The following EPS8 variants were observed in gnomAD, a reference collection of about 807,000 sequenced individuals.
EPS8 encodes the protein EGFR pathway substrate 8, signaling adaptor, also known as epidermal growth factor receptor kinase substrate 8.
Under a neutral mutation model 103.8 loss-of-function variants are expected in EPS8, and 42 were observed. The ratio of observed to expected loss-of-function variants is 0.40; its 90% confidence interval spans 0.32 to 0.52. The LOEUF (loss-of-function observed/expected upper bound fraction) is 0.52, where lower values mean the gene tolerates loss of function less well. Ranked by LOEUF, EPS8 falls within the 20% of genes least tolerant of loss-of-function variation. The probability of loss-of-function intolerance (pLI) is 0.40; values close to 1 mark genes in which losing one functional copy is unlikely to be tolerated. For missense variants in EPS8, 969 were observed against 1,005.1 expected (o/e 0.96, Z 0.49); for synonymous variants, 344 against 344.6 (o/e 1.00, Z 0.02).
Position 15,647,277 on chromosome 12 carries a change from G to A in EPS8, c.1435-17C>T. ...ACTGGAATGCTGAAAGACAAAGTGG[G>A]GCAGATTAAAGAATCACCAAATACT... is the stretch of plus-strand genomic sequence containing the variant. On this transcript the variant is annotated splice_polypyrimidine_tract_variant and intron_variant, in intron 14 of 20. Transcript: ENST00000281172. 1 of 1,604,990 alleles carries A rather than the reference G, an allele frequency of 6.2e-7. No homozygotes were observed. The highest frequency in any genetic ancestry group is 1.3e-5 in the African/African-American group (1 of 74,760).
At chr12:15,765,880 C>T (rs1947089470) in intron 1 of EPS8, among the ~76,000 whole-genome samples, 1 of 143,434 alleles carries the variant, frequency 7.0e-6, no homozygotes, top group Admixed American at 7.2e-5. Flanking sequence ...GTGGCGCAAT[C>T]TCGGCTCACT....
At chr12:15,679,827 T>C (rs77653456) in intron 3 of EPS8, among the ~76,000 whole-genome samples, 22,641 of 152,222 alleles carry the variant, frequency 0.15, 1,851 homozygotes, top group African/African-American at 0.2. Context: ...ATGAAGATCA[T>C]GGCATAGCAT....
At chr12:15,711,551 T>A (rs762556170) in intron 1 of EPS8, among the ~76,000 whole-genome samples, 15 of 152,192 alleles carry the variant, frequency 9.9e-5, no homozygotes, top group Admixed American at 2.0e-4. Context: ...ATATTTTACA[T>A]ACCATTCCAA....
At position 15,666,479 on chromosome 12, in the gene EPS8, C is replaced by T; in HGVS notation, c.560G>A (p.Ser187Asn). The change falls in exon 7 of 21, where the codon AGT (serine) becomes AAT (asparagine). Residue 187 changes from serine (S) to asparagine (N), a missense_variant. By Grantham distance (46) the Ser-to-Asn change is conservative (BLOSUM62 1). Transcript: ENST00000281172. ...SEDIESAISD[S>N]KGGKQKRRPD... ...CCGCCTCTTCTGTTTCCCTCCTTTA[C>T]TGTCACTGATTGCACTTTCAATATC... is the stretch of plus-strand genomic sequence containing the variant. The T allele has an allele frequency of 6.2e-7, 1 of 1,613,944 alleles. No individual in the cohort carries two copies. The highest frequency in any genetic ancestry group is 2.2e-5 in the East Asian group (1 of 44,860).
Position 15,621,010 on chromosome 12 carries a change from T to A in EPS8, c.*307A>T. ...GTTGCAGTGAATAACTCCACCACTATCAAAACAATTCCTGTTTATACCCTG... is the reference window on the plus strand; with the variant it reads ...GTTGCAGTGAATAACTCCACCACTAACAAAACAATTCCTGTTTATACCCTG... On this transcript the variant is annotated 3_prime_UTR_variant, in exon 21 of 21. Coordinates refer to ENST00000281172, the MANE Select transcript of EPS8 (RefSeq NM_004447.6). 1 of 240,886 alleles carries A rather than the reference T, an allele frequency of 4.2e-6. No homozygotes were observed. The highest frequency in any genetic ancestry group is 7.8e-6 in the Non-Finnish European group (1 of 127,420). 14.9% of individuals were successfully genotyped at this position (240,886 alleles called of 1,614,324 possible). A position where few individuals can be genotyped will look rare whatever the true frequency, so the allele number is the denominator to read the frequency against.
Position 15,749,549 on chromosome 12 carries a change from T to C in EPS8, c.-22+39612A>G, listed in dbSNP as rs1044601453. Among the ~76,000 whole-genome samples, 9 of 152,188 alleles carry C rather than the reference T, an allele frequency of 5.9e-5. No homozygotes were observed. Among genetic ancestry groups the C allele is most frequent in the African/African-American group, 2.2e-4 (9 of 41,426 alleles). ...CTCCTTACAAGAAAACACACGCCTTTTGTTTATCTTCTTCACTCTGGCTGC... is the reference window on the plus strand; with the variant it reads ...CTCCTTACAAGAAAACACACGCCTTCTGTTTATCTTCTTCACTCTGGCTGC... On this transcript the variant is annotated intron_variant, in intron 1 of 20. Coordinates refer to ENST00000281172, the MANE Select transcript of EPS8 (RefSeq NM_004447.6). The surrounding 1 kb of genome is among the most constrained non-coding windows in gnomAD (Gnocchi z 4.0).
chr12:15,730,492 T>A (rs1483869448), intron 1 of EPS8, among the ~76,000 whole-genome samples: 1 of 152,118 alleles, frequency 6.6e-6, no homozygotes, highest in Non-Finnish European at 1.5e-5. Context: ...TTGAAGACAA[T>A]TCTGAAAAAT....
Position 15,752,715 on chromosome 12 carries a change from T to C in EPS8, c.-22+36446A>G, listed in dbSNP as rs1490597738. Among the ~76,000 whole-genome samples, 1 of 152,064 alleles carries C rather than the reference T, an allele frequency of 6.6e-6. No individual in the cohort carries two copies. The highest frequency in any genetic ancestry group is 6.5e-5 in the Admixed American group (1 of 15,270). The stretch of plus-strand genomic sequence containing the variant: ...GGCCTGAGAAGTTATACCCCGACAG[T>C]GAAGATATTAATAATGATGATGTTG... On this transcript the variant is annotated intron_variant, in intron 1 of 20. Transcript: ENST00000281172. The surrounding 1 kb of genome is among the most constrained non-coding windows in gnomAD (Gnocchi z 4.4).
At chr12:15,783,970 T>A (rs1326292845) in intron 1 of EPS8, among the ~76,000 whole-genome samples, 1 of 151,814 alleles carries the variant, frequency 6.6e-6, no homozygotes, top group Non-Finnish European at 1.5e-5. Flanking sequence ...AAAAAAAAAA[T>A]TAATCTAGAC....
At chr12:15,786,599 G>C (rs1947313856) in intron 1 of EPS8, among the ~76,000 whole-genome samples, 1 of 152,050 alleles carries the variant, frequency 6.6e-6, no homozygotes, top group Admixed American at 6.5e-5. Flanking sequence ...GGGGAAGCTG[G>C]TATGGGGGTA....
At chr12:15,673,399 C>A (rs1450296484) in intron 3 of EPS8, among the ~76,000 whole-genome samples, 2 of 152,136 alleles carry the variant, frequency 1.3e-5, no homozygotes, top group East Asian at 3.8e-4. Context: ...TTTTGAAAGA[C>A]ATTTCCTAAA....
rs777510151 is a variant in EPS8 at position 15,754,463 on chromosome 12, CT to C, written c.-22+34697del. 3.7e-3 allele frequency among the ~76,000 whole-genome samples: 565 copies of C among 152,168 alleles called. 3 individuals are homozygous for C. Among genetic ancestry groups the C allele is most frequent in the Admixed American group, 6.6e-3 (101 of 15,284 alleles). On this transcript the variant is annotated intron_variant, in intron 1 of 20. Coordinates refer to ENST00000281172, the MANE Select transcript of EPS8 (RefSeq NM_004447.6). ...AGGATGAGTCACATAATAACATATTCTTGTTTTATTTAGTAGCTGATCTGAG... is the reference window on the plus strand; with the variant it reads ...AGGATGAGTCACATAATAACATATTCTGTTTTATTTAGTAGCTGATCTGAG...
rs1946207886 is a variant in EPS8 at position 15,693,874 on chromosome 12, T to A, written c.-21-10902A>T. 6.6e-6 allele frequency among the ~76,000 whole-genome samples: 1 copy of A among 151,632 alleles called. No individual in the cohort carries two copies. Among genetic ancestry groups the A allele is most frequent in the Admixed American group, 6.6e-5 (1 of 15,210 alleles). On this transcript the variant is annotated intron_variant, in intron 1 of 20. Transcript: ENST00000281172. This position sits in a 1 kb window ranked among gnomAD's most constrained non-coding sequence, Gnocchi z 5.6. ...ACATGGACACAGGGAGGGGAAAAAA[T>A]ACACACCAAGGCCTGTCAGATGGAG...
intron 15 of EPS8, among the ~76,000 whole-genome samples, chr12:15,646,273 T>C (rs1193302379): frequency 6.6e-6 from 1 of 152,162 alleles, no homozygotes; most frequent in African/African-American, 2.4e-5. Context: ...AAATTTTAAA[T>C]CCCACTTTCT....
At position 15,665,869 on chromosome 12, in the gene EPS8, C is replaced by T; in HGVS notation, c.623G>A (p.Ser208Asn). ...AGGAGCTCTGGGTGGAGGCGGTATA[C>T]TAGGGTCTGCATTGGAAATCATCCT... is the stretch of plus-strand genomic sequence containing the variant. ...ALRMISNADP[S>N]IPPPPRAPAP... The change falls in exon 8 of 21, where the codon AGT becomes AAT. Residue 208 changes from serine to asparagine, a missense_variant. By Grantham distance (46) the Ser-to-Asn change is conservative. Transcript: ENST00000281172. 1.9e-6 allele frequency: 3 copies of T among 1,613,954 alleles called. No homozygotes were observed. The highest frequency in any genetic ancestry group is 2.5e-6 in the Non-Finnish European group (3 of 1,179,948).
chr12:15,671,969 T>C (rs1945825762), intron 3 of EPS8, among the ~76,000 whole-genome samples: 1 of 152,148 alleles, frequency 6.6e-6, no homozygotes, highest in Non-Finnish European at 1.5e-5. Flanking sequence ...AAACTAAATT[T>C]GGGCAAGAAA....
At position 15,751,594 on chromosome 12, in the gene EPS8, A is replaced by G. The variant is rs928276890; in HGVS notation, c.-22+37567T>C. Among the ~76,000 whole-genome samples, 1 of 152,150 alleles carries G rather than the reference A, an allele frequency of 6.6e-6. No homozygotes were observed. The highest frequency in any genetic ancestry group is 2.1e-4 in the South Asian group (1 of 4,832). ...TTAATGGACAGATTCAATACTGGGC[A>G]GTTTCAGACACTAGGGACATAGCAG... On this transcript the variant is annotated intron_variant, in intron 1 of 20. Coordinates refer to ENST00000281172, the MANE Select transcript of EPS8 (RefSeq NM_004447.6). This position sits in a 1 kb window ranked among gnomAD's most constrained non-coding sequence, Gnocchi z 4.3.
At chr12:15,662,437 C>A (rs1448069655) in intron 8 of EPS8, 2 of 1,018,732 alleles carry the variant, frequency 2.0e-6, no homozygotes, top group African/African-American at 3.4e-5. Flanking sequence ...GAAATATAAA[C>A]CAGCAGTCAA....
At chr12:15,663,941 A>AAAAAAAT (rs1945656439) in intron 8 of EPS8, among the ~76,000 whole-genome samples, 3 of 73,278 alleles carry the variant, frequency 4.1e-5, no homozygotes, top group African/African-American at 1.5e-4. Flanking sequence ...AAAAAAAAAA[A>AAAAAAAT]AAAAATAATA....
Sources: gnomAD v4.1 joint callset for allele counts (sites outside exome capture counted in the v4.1 genomes callset) on GRCh38, gnomAD v4.1.1 for gene constraint, Gnocchi (gnomAD v3.1) non-coding constraint, MANE v1.5 for transcripts, NCBI Gene and HGNC (gene_info 2026-07-23, HGNC 2026-07-21) for gene names.